Variants in TEX9 observed in about 807,000 individuals in gnomAD.
TEX9 encodes the protein testis-expressed protein 9.
A neutral mutation model predicts 59.6 loss-of-function variants in TEX9; 74 were observed. The ratio of observed to expected loss-of-function variants is 1.24; its 90% CI spans 1.03 to 1.51. The LOEUF is 1.51. Among genes scored for constraint, TEX9 ranks in the 40% most tolerant of loss-of-function variants. The pLI is 0.00. For synonymous variants in TEX9, 186 were observed against 152.2 expected (o/e 1.22, Z -1.64); for missense variants, 522 against 447.8 (o/e 1.17, Z -1.49).
chr15:56,416,478 T>C (rs1040898395), intron 10 of TEX9, among the ~76,000 whole-genome samples: 1 of 151,956 alleles, frequency 6.6e-6, no homozygotes, highest in Non-Finnish European at 1.5e-5. Flanking sequence ...ATCGTGGTTT[T>C]TGTCTTAATT....
intron 9 of TEX9, among the ~76,000 whole-genome samples, chr15:56,400,946 C>A (rs956724839): frequency 1.3e-5 from 2 of 152,218 alleles, no homozygotes; most frequent in African/African-American, 4.8e-5. Context: ...ATTTTGTTCA[C>A]CACCAGGCCT....
At chr15:56,271,911 C>A (rs1052070133) in intron 1 of TEX9, among the ~76,000 whole-genome samples, 2 of 152,092 alleles carry the variant, frequency 1.3e-5, no homozygotes, top group Non-Finnish European at 2.9e-5. Flanking sequence ...GAGGCTGAGG[C>A]GGGCAGATCA....
chr15:56,432,180 A>G (rs534485425), intron 12 of TEX9, among the ~76,000 whole-genome samples: 1 of 152,316 alleles, frequency 6.6e-6, no homozygotes, highest in South Asian at 2.1e-4. Context: ...TTTTTGTCCA[A>G]TGGTAGAGTC....
At chr15:56,346,436 C>T (rs1308394069) in intron 1 of TEX9, among the ~76,000 whole-genome samples, 4 of 152,112 alleles carry the variant, frequency 2.6e-5, no homozygotes, top group Admixed American at 6.5e-5. Flanking sequence ...GGCATCTATC[C>T]TTCTCCAAAT....
chr15:56,311,441 G>A (rs77690398), intron 1 of TEX9, among the ~76,000 whole-genome samples: 2,300 of 126,806 alleles, frequency 0.018, 17 homozygotes, highest in Admixed American at 0.034. Flanking sequence ...ATGATTTCCA[G>A]TTTCATCCAT....
At chr15:56,325,862 C>G (rs146254525) in intron 1 of TEX9, among the ~76,000 whole-genome samples, 10 of 152,266 alleles carry the variant, frequency 6.6e-5, no homozygotes, top group African/African-American at 2.2e-4. Flanking sequence ...AATCTTAAGT[C>G]TCTTCCCACC....
intron 1 of TEX9, among the ~76,000 whole-genome samples, chr15:56,320,304 C>G (rs1318675420): frequency 4.6e-5 from 7 of 152,174 alleles, no homozygotes; most frequent in African/African-American, 7.2e-5. Context: ...TAATAAAATA[C>G]CATAGACTGA....
intron 1 of TEX9, among the ~76,000 whole-genome samples, chr15:56,311,961 C>T (rs1479043442): frequency 2.0e-5 from 3 of 149,850 alleles, no homozygotes; most frequent in African/African-American, 7.3e-5. Context: ...AGTGTCTGTT[C>T]ATGTCCTTTG....
At chr15:56,352,976 TC>T (rs1451592641) in intron 1 of TEX9, among the ~76,000 whole-genome samples, 10 of 152,238 alleles carry the variant, frequency 6.6e-5, no homozygotes, top group African/African-American at 2.4e-4. Context: ...GTCTAAACTG[TC>T]TTTCCCAGGC....
At chr15:56,364,214 T>C (rs2046849480), upstream of TEX9, among the ~76,000 whole-genome samples, 1 of 152,000 alleles carries the variant, frequency 6.6e-6, no homozygotes, top group Non-Finnish European at 1.5e-5. Flanking sequence ...AGCGCAATGG[T>C]GCAATCTCAG....
At chr15:56,286,899 C>G (rs1171559732) in intron 1 of TEX9, among the ~76,000 whole-genome samples, 1 of 151,996 alleles carries the variant, frequency 6.6e-6, no homozygotes, top group African/African-American at 2.4e-5. Context: ...AACTATTTCA[C>G]TAATATTTCT....
chr15:56,270,702 A>G (rs1255284802), intron 1 of TEX9, among the ~76,000 whole-genome samples: 5 of 152,182 alleles, frequency 3.3e-5, no homozygotes, highest in African/African-American at 1.2e-4. Flanking sequence ...TATTTTGCCC[A>G]TTTCTTGATG....
At chr15:56,297,869 A>G (rs1173527404) in intron 1 of TEX9, among the ~76,000 whole-genome samples, 1 of 152,248 alleles carries the variant, frequency 6.6e-6, no homozygotes, top group Non-Finnish European at 1.5e-5. Flanking sequence ...GCGAGACTGT[A>G]CTTGTCCTGA....
At chr15:56,420,188 TA>T (rs1474931158) in intron 10 of TEX9, among the ~76,000 whole-genome samples, 1 of 151,832 alleles carries the variant, frequency 6.6e-6, no homozygotes, top group Non-Finnish European at 1.5e-5. Context: ...ACTAGAGGTT[TA>T]CTAATTCTGG....
the TEX9 span, among the ~76,000 whole-genome samples, chr15:56,452,769 C>A: frequency 6.6e-6 from 1 of 152,074 alleles, no homozygotes; most frequent in Admixed American, 6.5e-5. Flanking sequence ...CCACTCACCT[C>A]GGCCTCCCAA....
At chr15:56,248,002 G>A (rs373015392) in intron 1 of TEX9, among the ~76,000 whole-genome samples, 59 of 152,170 alleles carry the variant, frequency 3.9e-4, no homozygotes, top group African/African-American at 1.4e-3. Context: ...ATTCTTCCTT[G>A]ATAGCAGAAA....
chr15:56,312,766 C>G (rs1462156453), intron 1 of TEX9, among the ~76,000 whole-genome samples: 1 of 114,406 alleles, frequency 8.7e-6, no homozygotes, highest in Non-Finnish European at 1.8e-5. Flanking sequence ...ATTGATTCTT[C>G]CTACCCATGA....
chr15:56,304,935 C>A (rs1210835365), intron 1 of TEX9, among the ~76,000 whole-genome samples: 1 of 152,160 alleles, frequency 6.6e-6, no homozygotes, highest in Non-Finnish European at 1.5e-5. Context: ...GTTGCCCAGG[C>A]TGGTCTGGAA....
intron 12 of TEX9, among the ~76,000 whole-genome samples, chr15:56,436,333 G>A (rs1400893803): frequency 2.0e-5 from 3 of 152,216 alleles, no homozygotes; most frequent in Non-Finnish European, 4.4e-5. Context: ...CATGGAAAGT[G>A]AACAACCTGC....
Sources: gnomAD v4.1 joint callset for allele counts (sites outside exome capture counted in the v4.1 genomes callset) on GRCh38, gnomAD v4.1.1 for gene constraint, MANE v1.5 for transcripts, NCBI Gene and HGNC (gene_info 2026-07-23, HGNC 2026-07-21) for gene names.